Variants in STXBP6 observed in about 807,000 individuals in gnomAD.
STXBP6 encodes the protein syntaxin-binding protein 6.
A neutral mutation model predicts 26.9 loss-of-function variants in STXBP6; 21 were observed. The ratio of observed to expected loss-of-function variants is 0.78; its 90% CI spans 0.55 to 1.12. The LOEUF is 1.12. Ranked by LOEUF, STXBP6 falls within the 50% of genes most tolerant of loss-of-function variation. The pLI is 0.00. For missense variants in STXBP6, 232 were observed against 257.9 expected, an observed-to-expected ratio of 0.90 and a Z score of 0.69; for synonymous variants, 97 against 92.6, an observed-to-expected ratio of 1.05 and a Z score of -0.27.
At chr14:25,000,234 T>C (rs1405325113) in intron 1 of STXBP6, among the ~76,000 whole-genome samples, 1 of 152,052 alleles carries the variant, frequency 6.6e-6, no homozygotes, top group African/African-American at 2.4e-5. Context: ...GGCTAATTTT[T>C]TTGTATTTTT....
At chr14:25,005,959 G>A (rs758073901) in intron 1 of STXBP6, among the ~76,000 whole-genome samples, 1 of 152,178 alleles carries the variant, frequency 6.6e-6, no homozygotes, top group Non-Finnish European at 1.5e-5. Flanking sequence ...CTTTAGACAT[G>A]AGGGACTTTG....
rs573735073 is a variant in STXBP6 at position 25,043,765 on chromosome 14, A to C, written c.-33+6113T>G. Among the ~76,000 whole-genome samples the C allele has an allele frequency of 5.3e-5, 8 of 152,352 alleles. No individual in the cohort carries two copies. The South Asian group carries it at 8.3e-4, about 16-fold the overall frequency. On this transcript the variant is annotated intron_variant, in intron 1 of 5. Transcript: ENST00000323944. ...CAAGGTACATCAATGTTGTAGCATGAATCAACATTTTGTTCCTTTCTATGT... is the reference window on the plus strand; with the variant it reads ...CAAGGTACATCAATGTTGTAGCATGCATCAACATTTTGTTCCTTTCTATGT...
At chr14:25,002,648 C>T (rs1339710593) in intron 1 of STXBP6, among the ~76,000 whole-genome samples, 1 of 151,920 alleles carries the variant, frequency 6.6e-6, no homozygotes, top group African/African-American at 2.4e-5. Flanking sequence ...TGTGAGCCAC[C>T]ATGCCTGGCC....
In STXBP6 at chr14:24,810,630, G is replaced by T. The variant is rs1325563971; in HGVS notation, c.*2079C>A. The T allele has an allele frequency of 2.0e-5, 3 of 152,218 alleles. No homozygotes were observed. Among genetic ancestry groups the T allele is most frequent in the African/African-American group, 7.2e-5 (3 of 41,452 alleles). The allele number at this position is 152,218 out of a possible 1,614,324, so 9.4% of individuals were successfully genotyped here. ...CATGGAATACTTATATTTATCAAGA[G>T]TAACTATTGTAATTCTACCAGGGAA... On this transcript the variant is annotated 3_prime_UTR_variant, in exon 6 of 6. Transcript: ENST00000323944.
chr14:25,029,711 C>T (rs919421306), intron 1 of STXBP6, among the ~76,000 whole-genome samples: 1 of 152,076 alleles, frequency 6.6e-6, no homozygotes, highest in Admixed American at 6.5e-5. Context: ...ATAAAGCTCT[C>T]CCTGAGAAAA....
chr14:24,972,553 T>C (rs944773487), intron 2 of STXBP6, among the ~76,000 whole-genome samples: 1 of 152,222 alleles, frequency 6.6e-6, no homozygotes, highest in African/African-American at 2.4e-5. Context: ...CAATGAAATA[T>C]TGAGAAAATA....
At chr14:24,840,189 T>C (rs2068745060) in intron 4 of STXBP6, among the ~76,000 whole-genome samples, 1 of 152,190 alleles carries the variant, frequency 6.6e-6, no homozygotes, top group South Asian at 2.1e-4. Flanking sequence ...CCTCTGCTGG[T>C]TCCTTTGGGA....
intron 1 of STXBP6, among the ~76,000 whole-genome samples, chr14:25,004,330 G>A (rs932813137): frequency 6.6e-5 from 10 of 152,206 alleles, no homozygotes; most frequent in South Asian, 6.2e-4. Flanking sequence ...TCTTCCATGC[G>A]GGCCCAGTTC....
intron 2 of STXBP6, among the ~76,000 whole-genome samples, chr14:24,882,461 C>T (rs746655601): frequency 7.0e-6 from 1 of 143,244 alleles, no homozygotes; most frequent in African/African-American, 2.6e-5. Flanking sequence ...CTTCCTTAAC[C>T]TTGAGATGCT....
intron 1 of STXBP6, among the ~76,000 whole-genome samples, chr14:25,038,361 A>G (rs777712346): frequency 6.6e-6 from 1 of 152,232 alleles, no homozygotes; most frequent in Non-Finnish European, 1.5e-5. Flanking sequence ...GCAGTTGTAG[A>G]CACACACCCA....
At chr14:24,992,068 C>T (rs557256096) in intron 1 of STXBP6, among the ~76,000 whole-genome samples, 11 of 152,254 alleles carry the variant, frequency 7.2e-5, no homozygotes, top group South Asian at 4.2e-4. Context: ...TTCTTCTTAC[C>T]GGTCTGTTTT....
At chr14:24,877,407 C>G (rs2070184664) in intron 2 of STXBP6, among the ~76,000 whole-genome samples, 1 of 152,162 alleles carries the variant, frequency 6.6e-6, no homozygotes, top group Admixed American at 6.5e-5. Context: ...TCCTCTTCCC[C>G]TGCCTTCCTG....
intron 2 of STXBP6, among the ~76,000 whole-genome samples, chr14:24,897,781 A>T (rs2071050398): frequency 6.6e-6 from 1 of 152,166 alleles, no homozygotes; most frequent in Non-Finnish European, 1.5e-5. Flanking sequence ...AAGTGTGGGT[A>T]ATCAGTACCA....
chr14:25,040,858 A>G (rs2140504121), intron 1 of STXBP6, among the ~76,000 whole-genome samples: 1 of 152,192 alleles, frequency 6.6e-6, no homozygotes, highest in African/African-American at 2.4e-5. Context: ...TTCCTGTTCC[A>G]TCTTTTAAAA....
At chr14:24,909,373 C>T (rs1349849195) in intron 2 of STXBP6, among the ~76,000 whole-genome samples, 3 of 152,210 alleles carry the variant, frequency 2.0e-5, no homozygotes, top group Non-Finnish European at 4.4e-5. Context: ...GATATTTTCC[C>T]CTTATTTTAC....
intron 1 of STXBP6, among the ~76,000 whole-genome samples, chr14:25,048,222 T>C (rs2075754752): frequency 6.6e-6 from 1 of 152,260 alleles, no homozygotes; most frequent in African/African-American, 2.4e-5. Flanking sequence ...AGACAATATC[T>C]AAGACCTGAA....
rs920487026 is a variant in STXBP6 at position 25,020,117 on chromosome 14, C to A, written c.-33+29761G>T. ...TCTCCAAAGCTCATCACAGTGACAG[C>A]CACAAGGGATTCAGTTAAACTTGGC... On this transcript the variant is annotated intron_variant, in intron 1 of 5. Transcript: ENST00000323944. 2.6e-5 allele frequency among the ~76,000 whole-genome samples: 4 copies of A among 152,204 alleles called. No homozygotes were observed. The South Asian group carries it at 8.3e-4, about 32-fold the overall frequency.
intron 2 of STXBP6, among the ~76,000 whole-genome samples, chr14:24,902,310 C>T (rs967880454): frequency 4.6e-5 from 7 of 152,048 alleles, no homozygotes; most frequent in Non-Finnish European, 2.9e-5. Flanking sequence ...AATTAAAATG[C>T]TGTAGTAATA....
At chr14:24,871,063 T>G (rs1225904257) in intron 2 of STXBP6, among the ~76,000 whole-genome samples, 1 of 143,074 alleles carries the variant, frequency 7.0e-6, no homozygotes, top group East Asian at 2.0e-4. Flanking sequence ...TTGAAACATG[T>G]TTTTTTTTTT....
Sources: gnomAD v4.1 joint callset for allele counts (sites outside exome capture counted in the v4.1 genomes callset) on GRCh38, gnomAD v4.1.1 for gene constraint, MANE v1.5 for transcripts, NCBI Gene and HGNC (gene_info 2026-07-23, HGNC 2026-07-21) for gene names.